The following BTBD2 variants were observed in gnomAD, a reference collection of about 807,000 sequenced individuals.
BTBD2 encodes the protein BTB domain containing 2.
In BTBD2, 15 loss-of-function variants were observed where a neutral mutation model predicts 44.0. The ratio of observed to expected loss-of-function variants is 0.34; its 90% CI spans 0.23 to 0.53. The LOEUF is 0.53. Ranked by LOEUF, BTBD2 falls within the 20% of genes least tolerant of loss-of-function variation. The probability of loss-of-function intolerance (pLI) is 0.95; values close to 1 mark genes in which losing one functional copy is unlikely to be tolerated. For synonymous variants in BTBD2, 443 were observed against 335.9 expected (o/e 1.32, Z -3.49); for missense variants, 657 against 746.4 (o/e 0.88, Z 1.39).
At chr19:1,999,863 G>A (rs1038855636) in intron 1 of BTBD2, among the ~76,000 whole-genome samples, 3 of 151,496 alleles carry the variant, frequency 2.0e-5, no homozygotes, top group Admixed American at 2.0e-4. Flanking sequence ...TCAGGAGGCT[G>A]AGGCAGGAGA....
intron 4 of BTBD2, 193 bp from the exon 5 acceptor site, chr19:1,990,394 G>T (rs189937420): frequency 6.0e-6 from 4 of 662,914 alleles, no homozygotes; most frequent in Non-Finnish European, 1.0e-5. Flanking sequence ...CATTTTCCTC[G>T]GCTGTGGTTG....
intron 1 of BTBD2, among the ~76,000 whole-genome samples, chr19:1,997,668 A>G (rs747656756): frequency 8.5e-5 from 13 of 152,210 alleles, no homozygotes; most frequent in Non-Finnish European, 1.9e-4. Flanking sequence ...CGGCAAGGAC[A>G]GGCAGGGCTA....
chr19:2,002,877 A>C (rs1324361637), intron 1 of BTBD2: 1 of 57,822 alleles, frequency 1.7e-5, no homozygotes, highest in Non-Finnish European at 3.1e-5. Context: ...ACTCCGTCTC[A>C]AAAAAAAAAA....
chr19:1,990,581 T>C (rs2016161419), intron 4 of BTBD2, 136 bp downstream of exon 4: 5 of 841,578 alleles, frequency 5.9e-6, no homozygotes, highest in Non-Finnish European at 9.2e-6. Context: ...GGACCCAAAC[T>C]CCTGACCTGC....
chr19:1,991,886 C>T (rs868392096), intron 3 of BTBD2: 1 of 152,070 alleles, frequency 6.6e-6, no homozygotes, highest in South Asian at 2.1e-4. Context: ...CCTGACATTT[C>T]CTTAGAGAGA....
At chr19:2,013,081 G>A (rs949261195) in intron 1 of BTBD2, among the ~76,000 whole-genome samples, 9 of 152,238 alleles carry the variant, frequency 5.9e-5, no homozygotes, top group African/African-American at 1.4e-4. Flanking sequence ...AGGAGGCCCC[G>A]GAACCCTCCA....
chr19:2,011,547 G>A (rs2145654133), intron 1 of BTBD2, among the ~76,000 whole-genome samples: 1 of 152,274 alleles, frequency 6.6e-6, no homozygotes, highest in Admixed American at 6.5e-5. Flanking sequence ...CACTTGCTCA[G>A]GGGGTCGTTC....
intron 2 of BTBD2, among the ~76,000 whole-genome samples, chr19:1,994,257 A>C (rs1187050701): frequency 6.6e-6 from 1 of 151,846 alleles, no homozygotes; most frequent in Non-Finnish European, 1.5e-5. Context: ...CGGAGGTTGC[A>C]GTGAGCCAAG....
chr19:1,990,632 A>G (rs866719892), intron 4 of BTBD2, 85 bp downstream of exon 4: 52 of 1,294,478 alleles, frequency 4.0e-5, no homozygotes, highest in Middle Eastern at 2.5e-4. Flanking sequence ...CAACTCCCCC[A>G]GGCCCAAAGC....
chr19:1,988,009 C>A, intron 5 of BTBD2: 1 of 318,870 alleles, frequency 3.1e-6, no homozygotes, highest in Non-Finnish European at 5.8e-6. Context: ...CGTCACTTCA[C>A]TGTGGGTGGG....
At chr19:1,993,892 G>C (rs2016215393) in intron 2 of BTBD2, among the ~76,000 whole-genome samples, 1 of 148,206 alleles carries the variant, frequency 6.7e-6, no homozygotes, top group Non-Finnish European at 1.5e-5. Context: ...AGCTACTTGG[G>C]AGGCTGAGGC....
chr19:2,014,682 G>C (rs754011470), intron 1 of BTBD2: 1 of 155,502 alleles, frequency 6.4e-6, no homozygotes, highest in African/African-American at 2.5e-5. Flanking sequence ...TCTGGGGTGC[G>C]GGCTGGGTGG....
rs757553871 is a variant in BTBD2 at position 1,990,861 on chromosome 19, C to G, written c.685-39G>C. ...TCGACGGGGGGCGCGGTGGGGACAT[C>G]AGCACCCAGCCCTCGGCAGATCCCC... On this transcript the variant is annotated intron_variant, in intron 3 of 8. Transcript: ENST00000255608. 4.4e-5 allele frequency: 67 copies of G among 1,506,564 alleles called. No individual in the cohort carries two copies. The South Asian group carries it at 4.6e-4, about 10-fold the overall frequency. 93.3% of individuals were successfully genotyped at this position (1,506,564 alleles called of 1,614,324 possible). A position where few individuals can be genotyped will look rare whatever the true frequency, so the allele number is the denominator to read the frequency against.
At chr19:1,987,860 C>G in intron 5 of BTBD2, 168 bp from the exon 6 acceptor site, 1 of 662,456 alleles carries the variant, frequency 1.5e-6, no homozygotes, top group Non-Finnish European at 2.5e-6. Flanking sequence ...CCCCTGCTGC[C>G]TGGGCTTTTA....
intron 2 of BTBD2, among the ~76,000 whole-genome samples, chr19:1,995,279 CTTTTTTTTTT>C (rs71174402): frequency 1.6e-5 from 2 of 122,722 alleles, no homozygotes; most frequent in Middle Eastern, 5.2e-3. Context: ...ACTTTGGATT[CTTTTTTTTTT>C]TTTTTTTTTT....
intron 1 of BTBD2, 67 bp downstream of exon 1, chr19:2,015,230 C>G (rs2016518530): frequency 1.4e-6 from 2 of 1,453,140 alleles, no homozygotes; most frequent in Non-Finnish European, 1.8e-6. Context: ...TGCAGGGCCT[C>G]AGGTGCAGGG....
chr19:1,987,109 G>C, intron 7 of BTBD2, 57 bp downstream of exon 7: 1 of 1,597,026 alleles, frequency 6.3e-7, no homozygotes, highest in Non-Finnish European at 8.6e-7. Flanking sequence ...GTTCCATGGA[G>C]GTGGAGAGAG....
intron 1 of BTBD2, among the ~76,000 whole-genome samples, chr19:2,004,266 T>A (rs528366275): frequency 2.7e-4 from 40 of 149,796 alleles, no homozygotes; most frequent in African/African-American, 9.3e-4. Flanking sequence ...CAGGCACACA[T>A]CCTTAATGTT....
chr19:1,993,066 AG>A lies in BTBD2; in HGVS notation c.637del (p.Leu213Ter), dbSNP rs764166199. 1 of 1,605,486 alleles carries A rather than the reference AG, an allele frequency of 6.2e-7. No individual in the cohort carries two copies. The highest frequency in any genetic ancestry group is 8.5e-7 in the Non-Finnish European group (1 of 1,179,196). ...PALEAHCVEF[L>X]KKNLRADNAF... Reference sequence around the variant, plus strand: ...GTTGTCGGCTCGCAGGTTCTTCTTCAGGAACTCCACGCAATGGGCCTCGAGC... The same window carrying A: ...GTTGTCGGCTCGCAGGTTCTTCTTCAGAACTCCACGCAATGGGCCTCGAGC... On this transcript the variant is annotated frameshift_variant, in exon 3 of 9. Coordinates refer to ENST00000255608, the MANE Select transcript of BTBD2 (RefSeq NM_017797.4). LOFTEE classifies it high-confidence loss of function.
Sources: allele counts gnomAD v4.1 joint callset (sites outside exome capture counted in the v4.1 genomes callset), GRCh38; gene constraint gnomAD v4.1.1; transcripts MANE v1.5; gene names NCBI Gene and HGNC (gene_info 2026-07-23, HGNC 2026-07-21).